The following RAB3B variants were observed in gnomAD, a reference collection of about 807,000 sequenced individuals.
RAB3B encodes the protein ras-related protein Rab-3B.
Under a neutral mutation model 20.5 loss-of-function variants are expected in RAB3B, and 11 were observed. The ratio of observed to expected loss-of-function variants is 0.54; its 90% CI spans 0.34 to 0.89. The LOEUF is 0.89. RAB3B is among the 40% of genes least tolerant of loss of function. The probability of loss-of-function intolerance (pLI) is 0.02; values close to 1 mark genes in which losing one functional copy is unlikely to be tolerated. For synonymous variants in RAB3B, 99 were observed against 106.3 expected (o/e 0.93, Z 0.42); for missense variants, 225 against 280.9 (o/e 0.80, Z 1.42).
chr1:51,955,917 C>T (rs1274534021), intron 2 of RAB3B, among the ~76,000 whole-genome samples: 1 of 152,154 alleles, frequency 6.6e-6, no homozygotes, highest in Admixed American at 6.5e-5. Context: ...GGATCATTTG[C>T]ATACAGGTGG....
chr1:51,980,246 T>C (rs1685069031), intron 1 of RAB3B, among the ~76,000 whole-genome samples: 1 of 151,942 alleles, frequency 6.6e-6, no homozygotes, highest in African/African-American at 2.4e-5. Context: ...CTGGGCAACA[T>C]AGGGAGACCC....
At position 51,914,485 on chromosome 1, in the gene RAB3B, T is replaced by C. The variant is rs908286733; in HGVS notation, c.*5442A>G. The stretch of plus-strand genomic sequence containing the variant: ...ATGTCTATACTAAATCATGAAGCTA[T>C]ACGTTTCATGAAAGCAAGAACTGTG... On this transcript the variant is annotated 3_prime_UTR_variant, in exon 5 of 5. Transcript: ENST00000371655. The C allele has an allele frequency of 2.0e-5, 3 of 152,224 alleles. No individual in the cohort carries two copies. Among genetic ancestry groups the C allele is most frequent in the African/African-American group, 4.8e-5 (2 of 41,464 alleles). 9.4% of individuals were successfully genotyped at this position (152,224 alleles called of 1,614,324 possible).
rs1285300148 is a variant in RAB3B, at chr1:51,971,507, A to G, written c.228+5383T>C. ...GAGTGCAATGGCGCAATCTTGGCTC[A>G]CTGAAACCTCTGCCTCCCAGGTTCA... is the stretch of plus-strand genomic sequence containing the variant. On this transcript the variant is annotated intron_variant, in intron 2 of 4. Transcript: ENST00000371655. Among the ~76,000 whole-genome samples, 4 of 149,654 alleles carry G rather than the reference A, an allele frequency of 2.7e-5. No individual in the cohort carries two copies. The East Asian group carries it at 5.9e-4, about 22-fold the overall frequency.
intron 2 of RAB3B, among the ~76,000 whole-genome samples, chr1:51,954,359 A>G (rs952424113): frequency 6.6e-6 from 1 of 152,270 alleles, no homozygotes; most frequent in African/African-American, 2.4e-5. Context: ...AAAAATTCAT[A>G]GAGAAGAAAC....
rs77472973 is a variant in RAB3B, at chr1:51,985,602, C to G, written c.-1+4950G>C. Among the ~76,000 whole-genome samples the G allele has an allele frequency of 2.4e-4, 36 of 152,266 alleles. No homozygotes were observed. The East Asian group carries it at 6.4e-3, about 27-fold the overall frequency. Reference sequence around the variant, plus strand: ...TAAACTTGGCCTAGTTACTTAAATTCTATGCCTCAGTGTCCTCATCTGACA... The same window carrying G: ...TAAACTTGGCCTAGTTACTTAAATTGTATGCCTCAGTGTCCTCATCTGACA... On this transcript the variant is annotated intron_variant, in intron 1 of 4. Transcript: ENST00000371655.
At chr1:51,964,272 T>C (rs1684818650) in intron 2 of RAB3B, among the ~76,000 whole-genome samples, 1 of 152,168 alleles carries the variant, frequency 6.6e-6, no homozygotes, top group Non-Finnish European at 1.5e-5. Context: ...ACACAGTTGA[T>C]CTCTCCTTCC....
rs1230714482 is a variant in RAB3B at position 51,933,193 on chromosome 1, T to A, written c.472+125A>T. 3 of 1,022,414 alleles carry A rather than the reference T, an allele frequency of 2.9e-6. No homozygotes were observed. The African/African-American group carries it at 4.8e-5, about 17-fold the overall frequency. The allele number at this position is 1,022,414 out of a possible 1,614,324, so 63.3% of individuals were successfully genotyped here. ...TATAAAACAATACACACAGATCACA[T>A]AGGTACATAATTCACAATCACAACA... On this transcript the variant is annotated intron_variant, in intron 4 of 4. Transcript: ENST00000371655.
intron 2 of RAB3B, among the ~76,000 whole-genome samples, chr1:51,955,289 T>C (rs933720580): frequency 6.6e-6 from 1 of 152,210 alleles, no homozygotes; most frequent in Non-Finnish European, 1.5e-5. Flanking sequence ...GCCAACACCA[T>C]AGCCGATGTG....
chr1:51,985,675 ATATAAG>A (rs1223492478), intron 1 of RAB3B, among the ~76,000 whole-genome samples: 2 of 152,182 alleles, frequency 1.3e-5, no homozygotes, highest in South Asian at 2.1e-4. Context: ...AAGAGAACGT[ATATAAG>A]TATGTTTCAT....
chr1:51,922,858 G>C (rs916746247), intron 4 of RAB3B, among the ~76,000 whole-genome samples: 1 of 151,888 alleles, frequency 6.6e-6, no homozygotes, highest in Non-Finnish European at 1.5e-5. Context: ...CACCACACCC[G>C]GCTAATTTTT....
intron 4 of RAB3B, among the ~76,000 whole-genome samples, chr1:51,927,530 C>T (rs768374770): frequency 6.6e-6 from 1 of 152,088 alleles, no homozygotes; most frequent in African/African-American, 2.4e-5. Context: ...AATCCCAGCA[C>T]TTTGGGAGAT....
At chr1:51,989,103 G>GCACACACACA (rs60307928) in intron 1 of RAB3B, among the ~76,000 whole-genome samples, 36,941 of 132,408 alleles carry the variant, frequency 0.28, 6,064 homozygotes, top group Middle Eastern at 0.35. Flanking sequence ...CTGTGCGCGC[G>GCACACACACA]CACACACACA....
intron 4 of RAB3B, among the ~76,000 whole-genome samples, chr1:51,924,066 A>AAGAGTAGG (rs1249016988): frequency 6.6e-6 from 1 of 152,058 alleles, no homozygotes; most frequent in African/African-American, 2.4e-5. Context: ...CACCACCTGG[A>AAGAGTAGG]AGAGTAGGTG....
intron 2 of RAB3B, among the ~76,000 whole-genome samples, chr1:51,975,602 A>G (rs1684996969): frequency 6.6e-6 from 1 of 152,238 alleles, no homozygotes; most frequent in African/African-American, 2.4e-5. Flanking sequence ...AAGACACTTC[A>G]GCAGCTCTGT....
At chr1:51,972,283 T>C (rs1684947605) in intron 2 of RAB3B, among the ~76,000 whole-genome samples, 1 of 152,182 alleles carries the variant, frequency 6.6e-6, no homozygotes, top group Non-Finnish European at 1.5e-5. Flanking sequence ...TCTTGGAAAG[T>C]GAAACCAAGG....
rs542939788 is a variant in RAB3B at position 51,979,972 on chromosome 1, C to T, written c.1-2855G>A. Among the ~76,000 whole-genome samples the T allele has an allele frequency of 1.6e-4, 25 of 151,942 alleles. 1 individual carries two copies. The South Asian group carries it at 5.0e-3, about 30-fold the overall frequency. On this transcript the variant is annotated intron_variant, in intron 1 of 4. Transcript: ENST00000371655. ...AGGAAAATGGCGTGAACCAGGGAGGCGGAGCTTGTAGTGAGCTGAGATCCA... is the reference window on the plus strand; with the variant it reads ...AGGAAAATGGCGTGAACCAGGGAGGTGGAGCTTGTAGTGAGCTGAGATCCA...
chr1:51,960,245 T>C (rs1403178102), intron 2 of RAB3B, among the ~76,000 whole-genome samples: 1 of 152,104 alleles, frequency 6.6e-6, no homozygotes, highest in African/African-American at 2.4e-5. Flanking sequence ...ATTGGGGAAA[T>C]AGAATGGATA....
intron 1 of RAB3B, among the ~76,000 whole-genome samples, chr1:51,979,634 C>T (rs1223395197): frequency 6.6e-6 from 1 of 152,156 alleles, no homozygotes; most frequent in Non-Finnish European, 1.5e-5. Flanking sequence ...CCATCCTCCG[C>T]TCTGCTGCCT....
At chr1:51,977,992 T>G (rs1230154338) in intron 1 of RAB3B, among the ~76,000 whole-genome samples, 2 of 152,214 alleles carry the variant, frequency 1.3e-5, no homozygotes, top group African/African-American at 4.8e-5. Flanking sequence ...TTATGCCAAA[T>G]AAGCCACATT....
Sources: gnomAD v4.1 joint callset for allele counts (sites outside exome capture counted in the v4.1 genomes callset) on GRCh38, gnomAD v4.1.1 for gene constraint, MANE v1.5 for transcripts, NCBI Gene and HGNC (gene_info 2026-07-23, HGNC 2026-07-21) for gene names.